EPHB1: variants seen among roughly 807,000 people sequenced by gnomAD.
The protein encoded by EPHB1 is EPH receptor B1, also known as ephrin type-B receptor 1.
EPHB1 carries 30 observed loss-of-function variants against 94.4 expected under a neutral mutation model. The ratio of observed to expected loss-of-function variants is 0.32; its 90% CI spans 0.24 to 0.43. The LOEUF (loss-of-function observed/expected upper bound fraction) is 0.43. EPHB1 is among the 20% of genes least tolerant of loss of function. EPHB1 has a pLI of 1.00. For missense variants in EPHB1, 1,055 were observed against 1,308.3 expected, an observed-to-expected ratio of 0.81 and a Z score of 2.99; for synonymous variants, 522 against 489.1, an observed-to-expected ratio of 1.07 and a Z score of -0.89.
rs569916503 is a variant in EPHB1, at chr3:135,237,171, C to T, written c.2347-3977C>T. On this transcript the variant is annotated intron_variant, in intron 12 of 15. Transcript: ENST00000398015. ...TACACCAAGAGCTTCTACCTGTTGG[C>T]ATCACACCTGCTGGCAGGTGTGGAT... Among the ~76,000 whole-genome samples, 29 of 152,114 alleles carry T rather than the reference C, an allele frequency of 1.9e-4. 1 individual carries two copies. The South Asian group carries it at 5.8e-3, about 31-fold the overall frequency.
intron 3 of EPHB1, among the ~76,000 whole-genome samples, chr3:134,976,816 T>C (rs552314375): frequency 6.6e-6 from 1 of 152,226 alleles, no homozygotes; most frequent in East Asian, 1.9e-4. Context: ...ACCATCCTAA[T>C]AGAAACAGCA....
intron 3 of EPHB1, among the ~76,000 whole-genome samples, chr3:135,028,386 A>G (rs1474886854): frequency 7.5e-6 from 1 of 132,782 alleles, no homozygotes; most frequent in Admixed American, 7.6e-5. Context: ...CCCTCTACAC[A>G]CTGCTTTGAA....
At chr3:134,995,386 A>G (rs1430201539) in intron 3 of EPHB1, among the ~76,000 whole-genome samples, 2 of 152,220 alleles carry the variant, frequency 1.3e-5, no homozygotes, top group Non-Finnish European at 2.9e-5. Flanking sequence ...TTGCTTCACC[A>G]TTCATCCATT....
chr3:134,874,448 T>G (rs1313091882), intron 1 of EPHB1, among the ~76,000 whole-genome samples: 1 of 152,158 alleles, frequency 6.6e-6, no homozygotes. Context: ...ACTGCAAACC[T>G]GCATGATGTG....
At chr3:134,971,702 C>A (rs1405580479) in intron 3 of EPHB1, among the ~76,000 whole-genome samples, 1 of 152,164 alleles carries the variant, frequency 6.6e-6, no homozygotes, top group African/African-American at 2.4e-5. Context: ...TGATGCCCTG[C>A]AGATGCAGCA....
chr3:134,970,545 C>T (rs1178685706), intron 3 of EPHB1, among the ~76,000 whole-genome samples: 3 of 152,264 alleles, frequency 2.0e-5, no homozygotes, highest in South Asian at 4.2e-4. Context: ...TTGTCTGTCT[C>T]TCCTCACTAG....
At chr3:135,215,877 T>C (rs1297135378) in intron 12 of EPHB1, among the ~76,000 whole-genome samples, 1 of 152,216 alleles carries the variant, frequency 6.6e-6, no homozygotes, top group Non-Finnish European at 1.5e-5. Context: ...TTGAAAAACC[T>C]CTTCATTGAA....
At chr3:135,102,541 A>G (rs1393847895) in intron 3 of EPHB1, among the ~76,000 whole-genome samples, 3 of 152,342 alleles carry the variant, frequency 2.0e-5, no homozygotes, top group African/African-American at 7.2e-5. Flanking sequence ...GGCTTTGTGG[A>G]TTAGCCTGGC....
chr3:135,030,995 G>T (rs992028333), intron 3 of EPHB1, among the ~76,000 whole-genome samples: 2 of 152,120 alleles, frequency 1.3e-5, no homozygotes, highest in Non-Finnish European at 2.9e-5. Flanking sequence ...TCCAGGTGCC[G>T]TCCATCACCC....
At chr3:134,798,141 GTGTC>G (rs948689048) in intron 1 of EPHB1, among the ~76,000 whole-genome samples, 122 of 152,340 alleles carry the variant, frequency 8.0e-4, no homozygotes, top group African/African-American at 2.8e-3. Context: ...AGACTCTCAT[GTGTC>G]TGTCTGCTTT....
At chr3:135,066,413 T>A (rs1937581009) in intron 3 of EPHB1, among the ~76,000 whole-genome samples, 1 of 152,262 alleles carries the variant, frequency 6.6e-6, no homozygotes, top group Non-Finnish European at 1.5e-5. Flanking sequence ...CCTTTTTCTT[T>A]GTCTTTGTTG....
intron 1 of EPHB1, among the ~76,000 whole-genome samples, chr3:134,882,972 G>C (rs1342792841): frequency 6.6e-6 from 1 of 151,944 alleles, no homozygotes; most frequent in African/African-American, 2.4e-5. Flanking sequence ...ACAGGTGCGT[G>C]CCACCATGTC....
chr3:134,813,017 A>G (rs1161280816), intron 1 of EPHB1, among the ~76,000 whole-genome samples: 2 of 152,132 alleles, frequency 1.3e-5, no homozygotes, highest in Non-Finnish European at 2.9e-5. Flanking sequence ...TTTCCAGACA[A>G]TTTGGGTTGC....
chr3:134,926,148 G>A (rs752139867), intron 2 of EPHB1, among the ~76,000 whole-genome samples: 2 of 152,184 alleles, frequency 1.3e-5, no homozygotes, highest in Non-Finnish European at 2.9e-5. Context: ...TGTGGGGATG[G>A]GGGCACGCAG....
At chr3:134,992,172 G>A (rs991280532) in intron 3 of EPHB1, among the ~76,000 whole-genome samples, 1 of 152,126 alleles carries the variant, frequency 6.6e-6, no homozygotes, top group Non-Finnish European at 1.5e-5. Context: ...CAACACGGGG[G>A]GCCAGGGAAG....
intron 1 of EPHB1, among the ~76,000 whole-genome samples, chr3:134,906,525 C>A (rs183598991): frequency 6.6e-6 from 1 of 152,184 alleles, no homozygotes; most frequent in East Asian, 1.9e-4. Flanking sequence ...TGATCAAATT[C>A]TTCTAGCATG....
chr3:134,861,007 T>A (rs991246056), intron 1 of EPHB1, among the ~76,000 whole-genome samples: 8 of 152,108 alleles, frequency 5.3e-5, no homozygotes, highest in African/African-American at 1.9e-4. Flanking sequence ...ACTTAGTAAT[T>A]GCCTGGATAT....
intron 3 of EPHB1, among the ~76,000 whole-genome samples, chr3:135,025,381 TC>T (rs1936127941): frequency 1.3e-5 from 1 of 74,504 alleles, no homozygotes; most frequent in African/African-American, 5.2e-5. Context: ...CCCACAACAA[TC>T]CCCAGAGTGT....
chr3:134,978,167 A>C (rs1934260606), intron 3 of EPHB1: 1 of 367,418 alleles, frequency 2.7e-6, no homozygotes, highest in South Asian at 2.1e-5. Flanking sequence ...CCACTGAGTT[A>C]CAAGTCCTAT....
Sources: allele counts gnomAD v4.1 joint callset (sites outside exome capture counted in the v4.1 genomes callset), GRCh38; gene constraint gnomAD v4.1.1; transcripts MANE v1.5; gene names NCBI Gene and HGNC (gene_info 2026-07-23, HGNC 2026-07-21).